PCDHA6: variants seen among roughly 807,000 people sequenced by gnomAD.
The protein encoded by PCDHA6 is protocadherin alpha-6.
Under a neutral mutation model 60.3 loss-of-function variants are expected in PCDHA6, and 55 were observed. That is an observed-to-expected ratio of 0.91 (90% CI 0.73 to 1.14). PCDHA6 has a LOEUF of 1.14. PCDHA6 is among the 50% of genes most tolerant of loss of function. The pLI is 0.00. For missense variants in PCDHA6, 1,327 were observed against 1,256.5 expected, an observed-to-expected ratio of 1.06 and a Z score of -0.85; for synonymous variants, 652 against 557.9, an observed-to-expected ratio of 1.17 and a Z score of -2.38.
chr5:140,843,113 G>A (rs1234618172), intron 1 of PCDHA6: 1 of 1,595,750 alleles, frequency 6.3e-7, no homozygotes, highest in Admixed American at 1.7e-5. Context: ...GCGCGCAGTG[G>A]ACGCCGACTC....
intron 1 of PCDHA6, among the ~76,000 whole-genome samples, chr5:140,911,208 G>A (rs1554194651): frequency 6.6e-6 from 1 of 152,154 alleles, no homozygotes; most frequent in Non-Finnish European, 1.5e-5. Flanking sequence ...TGCCACTACT[G>A]GGGATGAGAA....
At chr5:140,942,950 T>G (rs1461424409) in intron 1 of PCDHA6, among the ~76,000 whole-genome samples, 1 of 151,716 alleles carries the variant, frequency 6.6e-6, no homozygotes, top group Non-Finnish European at 1.5e-5. Context: ...AGTGTAGACG[T>G]TCTGTTATCA....
Position 140,830,086 on chromosome 5 carries a change from T to G in PCDHA6, c.1995T>G (p.Val665=). ...GEPALTATAT[V]LVSLVESGQA... ...CGGCGCTGACAGCGACGGCCACGGTTCTGGTGTCGCTGGTGGAGAGTGGCC... is the reference window on the plus strand; with the variant it reads ...CGGCGCTGACAGCGACGGCCACGGTGCTGGTGTCGCTGGTGGAGAGTGGCC... Residue 665 remains valine (V), a synonymous_variant, in exon 1 of 4, where the codon GTT becomes GTG. Coordinates refer to ENST00000529310, the MANE Select transcript of PCDHA6 (RefSeq NM_018909.4). 6.2e-7 allele frequency: 1 copy of G among 1,613,548 alleles called. No homozygotes were observed. Among genetic ancestry groups the G allele is most frequent in the African/African-American group, 1.3e-5 (1 of 75,006 alleles).
chr5:140,898,389 G>A (rs1402524208), intron 1 of PCDHA6, among the ~76,000 whole-genome samples: 3 of 152,190 alleles, frequency 2.0e-5, no homozygotes, highest in Non-Finnish European at 4.4e-5. Flanking sequence ...AAGGGATCCA[G>A]TTTCAGCTTT....
At position 140,830,020 on chromosome 5, in the gene PCDHA6, G is replaced by C. The variant is rs2150179706; in HGVS notation, c.1929G>C (p.Pro643=). Residue 643 remains proline (P), a synonymous_variant, in exon 1 of 4, where the codon CCG becomes CCC. Transcript: ENST00000529310. ...TTRVLDEADS[P]RHRLLVLVKD... ...GTGTCCTGGACGAAGCGGACTCTCC[G>C]CGCCACCGGCTGCTGGTGCTGGTGA... 3 of 1,613,872 alleles carry C rather than the reference G, an allele frequency of 1.9e-6. No homozygotes were observed. The East Asian group carries it at 6.7e-5, about 36-fold the overall frequency.
At chr5:140,876,184 A>T in intron 1 of PCDHA6, 1 of 1,613,968 alleles carries the variant, frequency 6.2e-7, no homozygotes. Flanking sequence ...TGTGAATGAC[A>T]ATGGTCCGGC....
At chr5:140,838,691 T>G (rs1554137147) in intron 1 of PCDHA6, among the ~76,000 whole-genome samples, 2 of 151,996 alleles carry the variant, frequency 1.3e-5, no homozygotes, top group African/African-American at 4.8e-5. Context: ...ACCCCAACAT[T>G]TCGGGAGGCC....
At chr5:140,947,957 A>G (rs2094196859) in intron 1 of PCDHA6, among the ~76,000 whole-genome samples, 1 of 151,542 alleles carries the variant, frequency 6.6e-6, no homozygotes, top group African/African-American at 2.4e-5. Flanking sequence ...ATATTTTACA[A>G]TTAAGTATGT....
In PCDHA6 at chr5:140,850,187, G is replaced by A. The variant is rs2150472147; in HGVS notation, c.2394+19702G>A. ...TGGACGAGAACGACAATGCGCCGGC[G>A]CTGCTGACACCTCGGATGAGGGGCA... On this transcript the variant is annotated intron_variant, in intron 1 of 3. Coordinates refer to ENST00000529310, the MANE Select transcript of PCDHA6 (RefSeq NM_018909.4). 27 of 1,593,150 alleles carry A rather than the reference G, an allele frequency of 1.7e-5. 2 individuals are homozygous for A. In the Admixed American group the frequency reaches 3.4e-4, roughly 20 times the overall value.
chr5:140,960,713 ATCTTATTTTAGT>A (rs2095563566), intron 1 of PCDHA6, among the ~76,000 whole-genome samples: 3 of 150,862 alleles, frequency 2.0e-5, no homozygotes, highest in Non-Finnish European at 4.4e-5. Flanking sequence ...CCAAATACTC[ATCTTATTTTAGT>A]CCATGATTTT....
chr5:140,962,595 A>G (rs1307695991), intron 1 of PCDHA6, among the ~76,000 whole-genome samples: 1 of 152,192 alleles, frequency 6.6e-6, no homozygotes, highest in Non-Finnish European at 1.5e-5. Flanking sequence ...TTTGACTGAT[A>G]TATTTCTTCT....
chr5:140,850,459 G>T (rs868917699), intron 1 of PCDHA6: 1 of 1,597,898 alleles, frequency 6.3e-7, no homozygotes, highest in Admixed American at 1.7e-5. Flanking sequence ...AAAGACCACG[G>T]GGAGCCAGCG....
At chr5:140,876,918 G>A (rs2056694252) in intron 1 of PCDHA6, 4 of 1,613,936 alleles carry the variant, frequency 2.5e-6, no homozygotes, top group East Asian at 2.2e-5. Context: ...CATGGGACGC[G>A]GACGCGCAGA....
chr5:140,876,967 G>A (rs200960356), intron 1 of PCDHA6: 7 of 1,612,934 alleles, frequency 4.3e-6, no homozygotes, highest in African/African-American at 2.7e-5. Context: ...GGAGCGGCGG[G>A]TGGGCGAGCA....
At chr5:140,852,855 T>C in intron 1 of PCDHA6, 1 of 964,490 alleles carries the variant, frequency 1.0e-6, no homozygotes, top group Non-Finnish European at 1.3e-6. Flanking sequence ...TTACTAAGCA[T>C]TTACTATGTC....
intron 1 of PCDHA6, among the ~76,000 whole-genome samples, chr5:140,974,630 A>G (rs1252889789): frequency 6.7e-6 from 1 of 149,794 alleles, no homozygotes; most frequent in Non-Finnish European, 1.5e-5. Context: ...TCCTGCCTCA[A>G]CCTCCCGAGT....
intron 1 of PCDHA6, chr5:140,875,549 T>G: frequency 1.2e-6 from 2 of 1,613,916 alleles, no homozygotes; most frequent in Non-Finnish European, 1.7e-6. Flanking sequence ...GCCTGGGAGG[T>G]GGGGAGCGGC....
At chr5:140,967,357 T>C (rs782125763) in intron 1 of PCDHA6, 2 of 1,608,222 alleles carry the variant, frequency 1.2e-6, no homozygotes, top group Non-Finnish European at 1.7e-6. Context: ...AGCTGGACCT[T>C]AAGCCCCTGC....
chr5:141,006,180 A>C (rs1554260594), intron 3 of PCDHA6, among the ~76,000 whole-genome samples: 5 of 150,546 alleles, frequency 3.3e-5, no homozygotes, highest in Non-Finnish European at 7.4e-5. Context: ...TTTTTAAAAG[A>C]GTTTGCTATA....
Sources: allele counts gnomAD v4.1 joint callset (sites outside exome capture counted in the v4.1 genomes callset), GRCh38; gene constraint gnomAD v4.1.1; transcripts MANE v1.5; gene names NCBI Gene and HGNC (gene_info 2026-07-23, HGNC 2026-07-21).